The following OCIAD1 variants were observed in gnomAD, a reference collection of about 807,000 sequenced individuals.
OCIAD1 encodes OCIA domain-containing protein 1.
OCIAD1 carries 29 observed loss-of-function variants against 38.9 expected under a neutral mutation model. The observed-to-expected ratio is 0.74, with a 90% CI of 0.55 to 1.02. OCIAD1 has a LOEUF of 1.02. Among genes scored for constraint, OCIAD1 ranks in the 50% least tolerant of loss-of-function variants. The probability of loss-of-function intolerance (pLI) is 0.00; values close to 1 mark genes in which losing one functional copy is unlikely to be tolerated. For synonymous variants in OCIAD1, 110 were observed against 92.0 expected (o/e 1.20, Z -1.12); for missense variants, 288 against 289.6 (o/e 0.99, Z 0.04).
chr4:48,816,940 A>T (rs1177205523), intron 1 of OCIAD1, among the ~76,000 whole-genome samples: 2 of 152,206 alleles, frequency 1.3e-5, no homozygotes, highest in Non-Finnish European at 2.9e-5. Flanking sequence ...ACTGCACTCC[A>T]GCCTGGGTGA....
intron 1 of OCIAD1, among the ~76,000 whole-genome samples, chr4:48,823,824 C>CAT (rs1777221168): frequency 1.4e-5 from 1 of 70,130 alleles, no homozygotes; most frequent in Non-Finnish European, 2.4e-5. Context: ...CAATGCCTGG[C>CAT]TTTTTTTTTT....
At chr4:48,849,434 C>T (rs567193482) in intron 5 of OCIAD1, among the ~76,000 whole-genome samples, 1 of 152,146 alleles carries the variant, frequency 6.6e-6, no homozygotes, top group South Asian at 2.1e-4. Context: ...GTAAGTGCCA[C>T]GTTTAGGTTA....
chr4:48,832,373 T>C (rs1171007442), intron 1 of OCIAD1, among the ~76,000 whole-genome samples: 1 of 152,232 alleles, frequency 6.6e-6, no homozygotes, highest in Admixed American at 6.5e-5. Flanking sequence ...TATAAACTTA[T>C]AAAACGCATA....
Position 48,857,324 on chromosome 4 carries a change from C to T in OCIAD1, c.659C>T (p.Pro220Leu). ...GTATCTTTAACACAAAAGACTGACC[C>T]CTCAGTCAGGCCTATGCATGAAAGA... ...YEVSLTQKTD[P>L]SVRPMHERVP... The change falls in exon 8 of 9, where the codon CCC (proline) becomes CTC (leucine). Residue 220 changes from proline to leucine, a missense_variant. Physicochemically the swap from Pro to Leu is moderately conservative, Grantham distance 98 (BLOSUM62 -3). Transcript: ENST00000264312. 1 of 1,593,256 alleles carries T rather than the reference C, an allele frequency of 6.3e-7. No individual in the cohort carries two copies. The highest frequency in any genetic ancestry group is 1.4e-5 in the African/African-American group (1 of 74,000).
intron 1 of OCIAD1, among the ~76,000 whole-genome samples, chr4:48,820,102 T>A: frequency 6.6e-6 from 1 of 152,226 alleles, no homozygotes; most frequent in Non-Finnish European, 1.5e-5. Flanking sequence ...GTATACATTC[T>A]TCTCAGCACC....
At chr4:48,860,467 C>T (rs563717944) in intron 8 of OCIAD1, among the ~76,000 whole-genome samples, 5 of 152,132 alleles carry the variant, frequency 3.3e-5, no homozygotes, top group Non-Finnish European at 7.4e-5. Context: ...TCTTTTTTCT[C>T]ACCATTAAAA....
intron 8 of OCIAD1, 64 bp from the exon 9 acceptor site, chr4:48,860,661 C>G: frequency 8.3e-7 from 1 of 1,210,172 alleles, no homozygotes; most frequent in Non-Finnish European, 1.2e-6. Context: ...TAGCAACAAA[C>G]TTAAAATAAT....
At chr4:48,838,504 A>G (rs1463717630) in intron 3 of OCIAD1, among the ~76,000 whole-genome samples, 1 of 152,230 alleles carries the variant, frequency 6.6e-6, no homozygotes. Context: ...AAACATTGAA[A>G]TGTAGAAGCT....
intron 1 of OCIAD1, among the ~76,000 whole-genome samples, chr4:48,832,353 TA>T (rs1233212061): frequency 6.6e-6 from 1 of 152,190 alleles, no homozygotes; most frequent in East Asian, 1.9e-4. Flanking sequence ...ATCTTGATAG[TA>T]AAAAAAATTA....
At chr4:48,809,807 C>T (rs1777067362) in intron 1 of OCIAD1, among the ~76,000 whole-genome samples, 1 of 152,176 alleles carries the variant, frequency 6.6e-6, no homozygotes, top group Non-Finnish European at 1.5e-5. Context: ...TCACCTTTCC[C>T]AGAAAGTTTG....
At chr4:48,851,712 G>T in intron 6 of OCIAD1, 94 bp from the exon 7 acceptor site, 2 of 602,232 alleles carry the variant, frequency 3.3e-6, no homozygotes, top group Non-Finnish European at 2.8e-6. Flanking sequence ...ATATAATTTT[G>T]GAAATAAGCT....
rs62310902 is a variant in OCIAD1 at position 48,846,989 on chromosome 4, C to T, written c.194-1410C>T. ...ATTAGTTTTGCCAAGAATATGGTGC[C>T]TTTTTGATAGACATTTTGCTGGGTC... On this transcript the variant is annotated intron_variant, in intron 4 of 8. Transcript: ENST00000264312. Among the ~76,000 whole-genome samples the T allele has an allele frequency of 8.2e-3, 1,252 of 152,180 alleles. 21 individuals are homozygous for T. Among genetic ancestry groups the T allele is most frequent in the Admixed American group, 0.034 (525 of 15,282 alleles).
At chr4:48,836,332 A>G (rs1777985563) in intron 3 of OCIAD1, among the ~76,000 whole-genome samples, 1 of 152,192 alleles carries the variant, frequency 6.6e-6, no homozygotes, top group South Asian at 2.1e-4. Context: ...GGTAAGAGGG[A>G]GGTAATAGCT....
intron 1 of OCIAD1, among the ~76,000 whole-genome samples, chr4:48,815,570 A>G (rs1329942181): frequency 6.6e-6 from 1 of 152,232 alleles, no homozygotes; most frequent in African/African-American, 2.4e-5. Context: ...TCTGAAAACT[A>G]CAGTAGATCT....
chr4:48,852,209 C>A, intron 7 of OCIAD1: 1 of 386,160 alleles, frequency 2.6e-6, no homozygotes. Flanking sequence ...GGTTCTTGTC[C>A]CTGAAAAACT....
At chr4:48,816,704 C>T (rs1777147326) in intron 1 of OCIAD1, among the ~76,000 whole-genome samples, 1 of 152,200 alleles carries the variant, frequency 6.6e-6, no homozygotes, top group African/African-American at 2.4e-5. Flanking sequence ...GGCACCGTGG[C>T]TCACGCCTGT....
intron 3 of OCIAD1, among the ~76,000 whole-genome samples, chr4:48,834,001 A>AAT (rs1031993454): frequency 6.6e-6 from 1 of 152,066 alleles, no homozygotes; most frequent in Non-Finnish European, 1.5e-5. Flanking sequence ...TGATTAAAGA[A>AAT]ATATATATAT....
intron 1 of OCIAD1, among the ~76,000 whole-genome samples, chr4:48,819,231 C>A (rs1777168448): frequency 1.3e-5 from 2 of 152,104 alleles, no homozygotes; most frequent in Admixed American, 6.6e-5. Flanking sequence ...GATCTCTCTG[C>A]AGAAACCCTA....
chr4:48,809,587 A>G (rs1777064997), intron 1 of OCIAD1, among the ~76,000 whole-genome samples: 1 of 152,150 alleles, frequency 6.6e-6, no homozygotes, highest in South Asian at 2.1e-4. Flanking sequence ...TAACTATGAC[A>G]TTTGAGGCCC....
Sources: allele counts gnomAD v4.1 joint callset (sites outside exome capture counted in the v4.1 genomes callset), GRCh38; gene constraint gnomAD v4.1.1; transcripts MANE v1.5; gene names NCBI Gene and HGNC (gene_info 2026-07-23, HGNC 2026-07-21).